Variants in DENND5B observed in about 807,000 individuals in gnomAD.
The protein encoded by DENND5B is DENN domain-containing protein 5B.
DENND5B carries 34 observed loss-of-function variants against 140.6 expected under a neutral mutation model. The observed-to-expected ratio is 0.24, with a 90% CI of 0.18 to 0.32. The LOEUF (loss-of-function observed/expected upper bound fraction) is 0.32, where lower values mean the gene tolerates loss of function less well. Among genes scored for constraint, DENND5B ranks in the 10% least tolerant of loss-of-function variants. The probability of loss-of-function intolerance (pLI) is 1.00; values close to 1 mark genes in which losing one functional copy is unlikely to be tolerated. For missense variants in DENND5B, 1,142 were observed against 1,560.2 expected, an observed-to-expected ratio of 0.73 and a Z score of 4.52; for synonymous variants, 551 against 562.1, an observed-to-expected ratio of 0.98 and a Z score of 0.28.
At chr12:31,444,479 G>A (rs1944187762) in intron 6 of DENND5B, among the ~76,000 whole-genome samples, 1 of 152,114 alleles carries the variant, frequency 6.6e-6, no homozygotes, top group South Asian at 2.1e-4. Flanking sequence ...CATGACCCCA[G>A]ATGATCTGCC....
At chr12:31,390,498 G>A (rs1365975006) in intron 19 of DENND5B, among the ~76,000 whole-genome samples, 2 of 152,140 alleles carry the variant, frequency 1.3e-5, no homozygotes, top group African/African-American at 2.4e-5. Flanking sequence ...AATTAGCTGG[G>A]CGTGGTGGCA....
chr12:31,500,277 A>G, intron 1 of DENND5B: 1 of 424,466 alleles, frequency 2.4e-6, no homozygotes, highest in South Asian at 1.7e-5. Flanking sequence ...AAATTAGAAT[A>G]CTGGCCTCAA....
chr12:31,392,434 C>T, intron 18 of DENND5B, 41 bp from the exon 19 acceptor site: 1 of 1,605,296 alleles, frequency 6.2e-7, no homozygotes, highest in African/African-American at 1.3e-5. Flanking sequence ...AAATCTCCTG[C>T]ATCTATGTCT....
In DENND5B at chr12:31,460,186, A is replaced by G; in HGVS notation, c.1092+8T>C. ...CAGCAAATGCTTCATCATTCATTGT[A>G]GTTTTACCTCTTGAGGAAGTTCTAG... On this transcript the variant is annotated splice_region_variant and intron_variant, in intron 4 of 20. Transcript: ENST00000389082. 1 of 1,606,000 alleles carries G rather than the reference A, an allele frequency of 6.2e-7. No individual in the cohort carries two copies. Among genetic ancestry groups the G allele is most frequent in the Non-Finnish European group, 8.5e-7 (1 of 1,175,040 alleles).
chr12:31,427,537 CGGAGATTGCAGTGAGT>C (rs1203888255), intron 8 of DENND5B, among the ~76,000 whole-genome samples: 1 of 150,074 alleles, frequency 6.7e-6, no homozygotes, highest in Non-Finnish European at 1.5e-5. Context: ...ACCTGGGAGG[CGGAGATTGCAGTGAGT>C]GGAGATGGCG....
intron 1 of DENND5B, among the ~76,000 whole-genome samples, chr12:31,569,518 G>A (rs1949744273): frequency 6.6e-6 from 1 of 152,148 alleles, no homozygotes; most frequent in African/African-American, 2.4e-5. Flanking sequence ...ATTTTAAAGA[G>A]CCAATGCCAG....
rs78718482 is a variant in DENND5B at position 31,434,959 on chromosome 12, G to A, written c.2013-1711C>T. On this transcript the variant is annotated intron_variant, in intron 7 of 20. Transcript: ENST00000389082. ...CATTACATTAGCTCTTCCATGCCTT[G>A]ACTCTCACTTAAGACCCCTGGTGCT... Among the ~76,000 whole-genome samples the A allele has an allele frequency of 3.4e-3, 514 of 152,236 alleles. 3 individuals carry two copies. Among genetic ancestry groups the A allele is most frequent in the Non-Finnish European group, 5.6e-3 (379 of 68,000 alleles).
At chr12:31,389,671 A>G (rs553888801) in intron 19 of DENND5B, among the ~76,000 whole-genome samples, 173 bp from the exon 20 acceptor site, 6 of 152,222 alleles carry the variant, frequency 3.9e-5, no homozygotes, top group Non-Finnish European at 8.8e-5. Flanking sequence ...ATGGTAGAAC[A>G]ATAAATATGC....
chr12:31,404,762 T>TTTTTTTTC (rs1236828537), intron 14 of DENND5B, among the ~76,000 whole-genome samples: 1 of 129,022 alleles, frequency 7.8e-6, no homozygotes, highest in African/African-American at 2.9e-5. Flanking sequence ...CCTCTAGCTT[T>TTTTTTTTC]TTTTTTTTTT....
In DENND5B at chr12:31,519,372, A is replaced by G. The variant is rs564241443; in HGVS notation, c.128-23453T>C. On this transcript the variant is annotated intron_variant, in intron 1 of 20. Transcript: ENST00000389082. ...GTACAAGAAACAGATGTGCATAATG[A>G]CACCTTGAGTAGATATAAACAACTC... Among the ~76,000 whole-genome samples, 123 of 152,346 alleles carry G rather than the reference A, an allele frequency of 8.1e-4. 1 individual carries two copies. Among genetic ancestry groups the G allele is most frequent in the African/African-American group, 2.9e-3 (121 of 41,588 alleles).
At chr12:31,388,280 A>C (rs1260074617) in intron 20 of DENND5B, among the ~76,000 whole-genome samples, 1 of 150,566 alleles carries the variant, frequency 6.6e-6, no homozygotes, top group Non-Finnish European at 1.5e-5. Context: ...TGAGGAACAA[A>C]ATCAAAGCAG....
At chr12:31,451,426 C>T (rs563123886) in intron 5 of DENND5B, among the ~76,000 whole-genome samples, 5 of 152,174 alleles carry the variant, frequency 3.3e-5, no homozygotes, top group Non-Finnish European at 7.4e-5. Context: ...CGGGTTCAAG[C>T]GATTCTCCTG....
chr12:31,427,924 T>C lies in DENND5B; in HGVS notation c.2107-1500A>G, dbSNP rs1199776048. 2.6e-5 allele frequency among the ~76,000 whole-genome samples: 4 copies of C among 152,148 alleles called. No individual in the cohort carries two copies. The East Asian group carries it at 5.8e-4, about 22-fold the overall frequency. ...GTTTGTACATTTAATATATTTCTCC[T>C]TTGGAAGAAAATAATCTGCTAAGTC... On this transcript the variant is annotated intron_variant, in intron 8 of 20. Coordinates refer to ENST00000389082, the MANE Select transcript of DENND5B (RefSeq NM_144973.4).
At chr12:31,473,577 CT>C (rs1211827527) in intron 3 of DENND5B, among the ~76,000 whole-genome samples, 1 of 152,136 alleles carries the variant, frequency 6.6e-6, no homozygotes, top group Admixed American at 6.5e-5. Flanking sequence ...TGGGCTAGGG[CT>C]TATGTCGAAA....
At chr12:31,530,015 A>G (rs896820543) in intron 1 of DENND5B, among the ~76,000 whole-genome samples, 9 of 152,204 alleles carry the variant, frequency 5.9e-5, no homozygotes, top group African/African-American at 2.2e-4. Flanking sequence ...AACTGAATAC[A>G]ACTGGACATG....
At chr12:31,530,783 C>G (rs1241947762) in intron 1 of DENND5B, among the ~76,000 whole-genome samples, 1 of 152,188 alleles carries the variant, frequency 6.6e-6, no homozygotes, top group Non-Finnish European at 1.5e-5. Context: ...ACATTTACTT[C>G]TGAAAGCTTT....
In DENND5B at chr12:31,386,607, T is replaced by TGA; in HGVS notation, c.*995_*996insTC. 6.6e-6 allele frequency: 1 copy of TGA among 152,330 alleles called. No homozygotes were observed. Among genetic ancestry groups the TGA allele is most frequent in the African/African-American group, 2.4e-5 (1 of 41,562 alleles). 9.4% of individuals were successfully genotyped at this position (152,330 alleles called of 1,614,324 possible). On this transcript the variant is annotated 3_prime_UTR_variant, in exon 21 of 21. Coordinates refer to ENST00000389082, the MANE Select transcript of DENND5B (RefSeq NM_144973.4). ...CATTCCAAGCCACACACAGCCCTCC[T>TGA]CCTCCTTAGACATTCCTTCCATTTC... is the stretch of plus-strand genomic sequence containing the variant.
In DENND5B at chr12:31,452,096, T is replaced by G. The variant is rs1196318232; in HGVS notation, c.1473A>C (p.Ala491=). Residue 491 remains alanine (A), a synonymous_variant, in exon 5 of 21, where the codon GCA becomes GCC. Coordinates refer to ENST00000389082, the MANE Select transcript of DENND5B (RefSeq NM_144973.4). ...CATTGAGCTGGTAGTCCCTTAGTTCTGCCTCTTCACAATGCAGTTTTAAAT... is the reference window on the plus strand; with the variant it reads ...CATTGAGCTGGTAGTCCCTTAGTTCGGCCTCTTCACAATGCAGTTTTAAAT... ...DKDLKLHCEE[A]ELRDYQLNVQ... is the part of the protein sequence containing the mutation. 1 of 1,614,010 alleles carries G rather than the reference T, an allele frequency of 6.2e-7. No individual in the cohort carries two copies.
At chr12:31,538,912 A>G (rs1306380265) in intron 1 of DENND5B, among the ~76,000 whole-genome samples, 1 of 151,980 alleles carries the variant, frequency 6.6e-6, no homozygotes, top group Non-Finnish European at 1.5e-5. Flanking sequence ...AGCAGAAATA[A>G]GTGAAACTGA....
Sources: allele counts gnomAD v4.1 joint callset (sites outside exome capture counted in the v4.1 genomes callset), GRCh38; gene constraint gnomAD v4.1.1; transcripts MANE v1.5; gene names NCBI Gene and HGNC (gene_info 2026-07-23, HGNC 2026-07-21).